Variants in DPYSL3 observed in about 807,000 individuals in gnomAD.
DPYSL3 encodes the protein dihydropyrimidinase like 3, also known as dihydropyrimidinase-related protein 3.
DPYSL3 carries 16 observed loss-of-function variants against 66.1 expected under a neutral mutation model. The ratio of observed to expected loss-of-function variants is 0.24; its 90% confidence interval spans 0.16 to 0.37. The LOEUF is 0.37. Ranked by LOEUF, DPYSL3 falls within the 10% of genes least tolerant of loss-of-function variation. The pLI is 1.00. For missense variants in DPYSL3, 738 were observed against 916.2 expected (o/e 0.81, Z 2.51); for synonymous variants, 338 against 345.1 (o/e 0.98, Z 0.23).
At chr5:147,446,296 G>C (rs76317382) in intron 1 of DPYSL3, among the ~76,000 whole-genome samples, 3,762 of 152,272 alleles carry the variant, frequency 0.025, 147 homozygotes, top group African/African-American at 0.081. Flanking sequence ...CAGGCCTGAA[G>C]CACAGTGTGC....
chr5:147,462,255 C>G (rs1484970464), intron 1 of DPYSL3, among the ~76,000 whole-genome samples: 1 of 152,156 alleles, frequency 6.6e-6, no homozygotes. Flanking sequence ...ACACTTGGAA[C>G]AGAAAAACTG....
chr5:147,416,218 A>C (rs966302152), intron 3 of DPYSL3, among the ~76,000 whole-genome samples: 12 of 152,174 alleles, frequency 7.9e-5, no homozygotes, highest in African/African-American at 2.9e-4. Context: ...TGCCTGGCTC[A>C]TGGTAAGTGC....
At chr5:147,507,445 C>T (rs1279515731) in intron 1 of DPYSL3, among the ~76,000 whole-genome samples, 1 of 151,840 alleles carries the variant, frequency 6.6e-6, no homozygotes, top group Non-Finnish European at 1.5e-5. Flanking sequence ...GATCATTTTG[C>T]CAGCTATGTG....
At chr5:147,503,873 C>T (rs1753649186) in intron 1 of DPYSL3, among the ~76,000 whole-genome samples, 1 of 152,192 alleles carries the variant, frequency 6.6e-6, no homozygotes, top group African/African-American at 2.4e-5. Context: ...ACTGCTAATA[C>T]TTTATCCACT....
At chr5:147,503,669 A>G (rs1753646069) in intron 1 of DPYSL3, among the ~76,000 whole-genome samples, 1 of 152,212 alleles carries the variant, frequency 6.6e-6, no homozygotes, top group Non-Finnish European at 1.5e-5. Flanking sequence ...ATACACACAC[A>G]AGGAATATGG....
rs75561635 is a variant in DPYSL3 at position 147,409,763 on chromosome 5, A to C, written c.964-967T>G. 2.1e-3 allele frequency among the ~76,000 whole-genome samples: 315 copies of C among 152,312 alleles called. 1 individual carries two copies. The highest frequency in any genetic ancestry group is 7.3e-3 in the African/African-American group (302 of 41,574). On this transcript the variant is annotated intron_variant, in intron 6 of 13. Coordinates refer to ENST00000343218, the MANE Select transcript of DPYSL3 (RefSeq NM_001197294.2). ...ACCTCTGCACCAGCAGTCCTGGCCT[A>C]GTGACCTGGGAGTACTCTGGTAATG...
chr5:147,426,877 T>C (rs1487486473), intron 1 of DPYSL3, among the ~76,000 whole-genome samples: 1 of 152,168 alleles, frequency 6.6e-6, no homozygotes, highest in Non-Finnish European at 1.5e-5. Flanking sequence ...TTTTTAAAGA[T>C]ACAGATCAAT....
At chr5:147,446,175 CT>C (rs1470064560) in intron 1 of DPYSL3, among the ~76,000 whole-genome samples, 1 of 152,182 alleles carries the variant, frequency 6.6e-6, no homozygotes, top group Non-Finnish European at 1.5e-5. Flanking sequence ...GTCATTTGCA[CT>C]GGCAGGGACC....
rs376767463 is a variant in DPYSL3 at position 147,394,065 on chromosome 5, G to T, written c.2025C>A (p.Gly675=). 3.7e-6 allele frequency: 6 copies of T among 1,614,030 alleles called. 1 individual carries two copies. In the African/African-American group the frequency reaches 8.0e-5, roughly 22 times the overall value. ...SASKRIVAPP[G]GRSNITSLS ...TCAGAGATGTGATATTAGAACGGCC[G>T]CCTGGGGGCGCCACGATGCGCTTGC... Residue 675 remains glycine (G), a synonymous_variant, in exon 14 of 14, where the codon GGC becomes GGA. Transcript: ENST00000343218.
At chr5:147,496,018 C>T (rs1753501666) in intron 1 of DPYSL3, among the ~76,000 whole-genome samples, 1 of 152,104 alleles carries the variant, frequency 6.6e-6, no homozygotes, top group African/African-American at 2.4e-5. Context: ...GCTACAGTAA[C>T]CAAAATAGCA....
intron 1 of DPYSL3, among the ~76,000 whole-genome samples, chr5:147,471,250 T>C (rs1753082232): frequency 6.6e-6 from 1 of 152,110 alleles, no homozygotes. Flanking sequence ...ACCACTGTAT[T>C]AGTAAAAACA....
chr5:147,397,880 G>C (rs2152015616), intron 11 of DPYSL3, 35 bp from the exon 12 acceptor site: 1 of 1,249,570 alleles, frequency 8.0e-7, no homozygotes, highest in East Asian at 2.9e-5. Context: ...GCCACAGTAA[G>C]GGTAGAGAAA....
intron 1 of DPYSL3, among the ~76,000 whole-genome samples, chr5:147,469,542 T>G (rs550651510): frequency 9.3e-4 from 142 of 152,368 alleles, no homozygotes; most frequent in Admixed American, 3.0e-3. Context: ...TAAACTGGAC[T>G]ATTTAATCAG....
At chr5:147,427,189 G>A (rs1009910837) in intron 1 of DPYSL3, among the ~76,000 whole-genome samples, 2 of 152,162 alleles carry the variant, frequency 1.3e-5, no homozygotes, top group African/African-American at 2.4e-5. Context: ...CCTCCACGAT[G>A]TGTGACCTGA....
intron 1 of DPYSL3, among the ~76,000 whole-genome samples, chr5:147,506,584 A>G (rs1371115955): frequency 6.6e-6 from 1 of 152,200 alleles, no homozygotes; most frequent in Non-Finnish European, 1.5e-5. Flanking sequence ...ATGCTCATAC[A>G]AGAGAAGACT....
At chr5:147,416,623 G>A (rs1253223159) in intron 3 of DPYSL3, among the ~76,000 whole-genome samples, 2 of 152,188 alleles carry the variant, frequency 1.3e-5, no homozygotes, top group Non-Finnish European at 2.9e-5. Context: ...ACAAAGTACA[G>A]CTAAGGACAA....
At chr5:147,457,195 A>G (rs1752865321) in intron 1 of DPYSL3, among the ~76,000 whole-genome samples, 2 of 152,190 alleles carry the variant, frequency 1.3e-5, no homozygotes, top group Non-Finnish European at 2.9e-5. Context: ...ATAATAACGC[A>G]TATCCTTATT....
intron 1 of DPYSL3, among the ~76,000 whole-genome samples, chr5:147,459,938 G>A (rs1342527253): frequency 6.6e-6 from 1 of 152,132 alleles, no homozygotes; most frequent in African/African-American, 2.4e-5. Context: ...GTGAAACCCA[G>A]TCTCTACTCA....
At chr5:147,479,365 T>G (rs1269920498) in intron 1 of DPYSL3, among the ~76,000 whole-genome samples, 3 of 152,198 alleles carry the variant, frequency 2.0e-5, no homozygotes, top group Non-Finnish European at 4.4e-5. Context: ...TCAGCGCCTT[T>G]GGCTGTATAT....
Sources: allele counts gnomAD v4.1 joint callset (sites outside exome capture counted in the v4.1 genomes callset), GRCh38; gene constraint gnomAD v4.1.1; transcripts MANE v1.5; gene names NCBI Gene and HGNC (gene_info 2026-07-23, HGNC 2026-07-21).